BRWD3: variants seen among roughly 807,000 people sequenced by gnomAD.
BRWD3 encodes bromodomain and WD repeat domain containing 3.
In BRWD3, 10 loss-of-function variants were observed where a neutral mutation model predicts 149.7. The observed-to-expected ratio is 0.07, with a 90% CI of 0.04 to 0.11. The LOEUF is 0.11. Among genes scored for constraint, BRWD3 ranks in the 10% least tolerant of loss-of-function variants. The probability of loss-of-function intolerance (pLI) is 1.00; values close to 1 mark genes in which losing one functional copy is unlikely to be tolerated. For synonymous variants in BRWD3, 504 were observed against 456.7 expected (o/e 1.10, Z -1.32); for missense variants, 940 against 1,373.2 (o/e 0.68, Z 4.99).
intron 6 of BRWD3, among the ~76,000 whole-genome samples, chrX:80,776,156 G>A (rs1418285903): frequency 2.7e-5 from 3 of 111,682 alleles, no homozygotes; most frequent in Admixed American, 1.9e-4. Context: ...AATATCCCTC[G>A]ATCTTACCTC....
At chrX:80,756,725 G>A (rs773976229) in intron 6 of BRWD3, among the ~76,000 whole-genome samples, 3 of 110,918 alleles carry the variant, frequency 2.7e-5, no homozygotes, top group Non-Finnish European at 3.8e-5. Context: ...GGGAAGAACT[G>A]GATCTCATTC....
intron 4 of BRWD3, among the ~76,000 whole-genome samples, chrX:80,807,674 A>C (rs1447728285): frequency 1.8e-5 from 2 of 112,164 alleles, no homozygotes; most frequent in African/African-American, 6.5e-5. Context: ...GCTGAACACA[A>C]GGTACATTTA....
At chrX:80,776,665 T>C (rs1162380584) in intron 6 of BRWD3, among the ~76,000 whole-genome samples, 2 of 111,681 alleles carry the variant, frequency 1.8e-5, no homozygotes, top group Non-Finnish European at 3.8e-5. Flanking sequence ...CCTAAGGTCA[T>C]GTGGCAGTTG....
rs146297684 is a variant in BRWD3, at chrX:80,685,474, T to A, written c.4068A>T (p.Ser1356=). The change falls in exon 36 of 41, where the codon TCA becomes TCT. Residue 1356 remains serine (S), a synonymous_variant. Transcript: ENST00000373275. ...ESVVPERQQD[S]SLSEDYQDVI... ...CTACCAGGCCTACCTCAGAAAGAGA[T>A]GAATCTTGTTGTCTTTCTGGAACAA... 1 of 1,205,391 alleles carries A rather than the reference T, an allele frequency of 8.3e-7. No individual in the cohort carries two copies. The highest frequency in any genetic ancestry group is 1.1e-6 in the Non-Finnish European group (1 of 891,480).
rs1033606320 is a variant in BRWD3, at chrX:80,695,300, C to A, written c.3151+608G>T. ...CCAGTCTCAGGTAGTATCTTTACAGCAGTGTGAAAATGAACTAATACATAT... is the reference window on the plus strand; with the variant it reads ...CCAGTCTCAGGTAGTATCTTTACAGAAGTGTGAAAATGAACTAATACATAT... On this transcript the variant is annotated intron_variant, in intron 27 of 40. Transcript: ENST00000373275. Among the ~76,000 whole-genome samples, 11 of 111,680 alleles carry A rather than the reference C, an allele frequency of 9.8e-5. No individual in the cohort carries two copies. The Admixed American group carries it at 1.1e-3, about 11-fold the overall frequency.
intron 20 of BRWD3, among the ~76,000 whole-genome samples, 179 bp from the exon 21 acceptor site, chrX:80,709,756 T>C (rs1360969805): frequency 8.9e-6 from 1 of 111,917 alleles, no homozygotes; most frequent in African/African-American, 3.3e-5. Context: ...CCACTAATAT[T>C]GATCACTCTC....
rs200166730 is a variant in BRWD3, at chrX:80,719,521, A to G, written c.2012T>C (p.Leu671Ser). The G allele has an allele frequency of 4.1e-5, 49 of 1,207,496 alleles. No homozygotes were observed. Among genetic ancestry groups the G allele is most frequent in the Non-Finnish European group, 5.3e-5 (47 of 893,169 alleles). ...RLINEGDVPH[L>S]PVNRAYSVNG... Reference sequence around the variant, plus strand: ...AACAGAGTATGCTCTATTAACTGGTAAATGTGGAACATCTCCTTCATTAAT... The same window carrying G: ...AACAGAGTATGCTCTATTAACTGGTGAATGTGGAACATCTCCTTCATTAAT... The change falls in exon 18 of 41, where the codon TTA (leucine) becomes TCA (serine). Residue 671 changes from leucine to serine, a missense_variant. Physicochemically the swap from Leu to Ser is moderately radical, Grantham distance 145. Around this residue, in one of 6 missense-constraint regions of BRWD3, gnomAD observed 209 missense variants for 396.8 expected, o/e 0.53. Transcript: ENST00000373275.
intron 22 of BRWD3, among the ~76,000 whole-genome samples, chrX:80,706,424 T>A (rs912734256): frequency 2.7e-5 from 3 of 111,952 alleles, no homozygotes; most frequent in African/African-American, 9.7e-5. Context: ...TTTCTTTATA[T>A]CCTTACTCTA....
At chrX:80,768,259 A>AC (rs1390239026) in intron 6 of BRWD3, among the ~76,000 whole-genome samples, 2 of 110,849 alleles carry the variant, frequency 1.8e-5, no homozygotes, top group East Asian at 5.7e-4. Context: ...GAGAAAATCA[A>AC]CCCCAAGACA....
At chrX:80,720,792 C>T (rs2073139890) in intron 17 of BRWD3, among the ~76,000 whole-genome samples, 1 of 111,783 alleles carries the variant, frequency 8.9e-6, no homozygotes, top group Non-Finnish European at 1.9e-5. Context: ...ATGGTAAGTG[C>T]TTTATACAGT....
rs2074368206 is a variant in BRWD3, at chrX:80,808,093, C to T, written c.180+446G>A. On this transcript the variant is annotated intron_variant, in intron 4 of 40. Coordinates refer to ENST00000373275, the MANE Select transcript of BRWD3 (RefSeq NM_153252.5). ...CCGCCCCCCCCAAAAAAGACCAAGCCTGGCCTTAGTTCCCGTATTTCAGGC... is the reference window on the plus strand; with the variant it reads ...CCGCCCCCCCCAAAAAAGACCAAGCTTGGCCTTAGTTCCCGTATTTCAGGC... Among the ~76,000 whole-genome samples the T allele has an allele frequency of 3.4e-5, 3 of 88,926 alleles. No individual in the cohort carries two copies. The South Asian group carries it at 2.2e-3, about 64-fold the overall frequency. 77.2% of individuals were successfully genotyped at this position (88,926 alleles called of 115,157 possible).
At chrX:80,746,348 T>A (rs2073592685) in intron 6 of BRWD3, among the ~76,000 whole-genome samples, 1 of 111,246 alleles carries the variant, frequency 9.0e-6, no homozygotes, top group African/African-American at 3.3e-5. Flanking sequence ...CAATGAACTT[T>A]AAAGGCTTCA....
chrX:80,726,941 A>G (rs1461672674), intron 14 of BRWD3, among the ~76,000 whole-genome samples: 1 of 110,651 alleles, frequency 9.0e-6, no homozygotes, highest in East Asian at 2.8e-4. Flanking sequence ...ACATAAAGTT[A>G]GTTTGTTAAA....
chrX:80,677,507 A>C, intron 40 of BRWD3, 144 bp from the exon 41 acceptor site: 1 of 880,343 alleles, frequency 1.1e-6, no homozygotes, highest in Non-Finnish European at 1.5e-6. Flanking sequence ...ATTTCTTCAA[A>C]ATAGAAGATA....
intron 40 of BRWD3, among the ~76,000 whole-genome samples, chrX:80,678,892 G>T (rs746262360): frequency 5.4e-5 from 6 of 111,564 alleles, no homozygotes; most frequent in Non-Finnish European, 3.8e-5. Context: ...GGCATTTAGG[G>T]AGGTAATTAA....
chrX:80,734,357 A>G (rs2073373985), intron 10 of BRWD3, 139 bp from the exon 11 acceptor site: 1 of 470,047 alleles, frequency 2.1e-6, no homozygotes, highest in African/African-American at 2.4e-5. Context: ...TATTGGAGAC[A>G]TACTAGCGAT....
intron 18 of BRWD3, among the ~76,000 whole-genome samples, chrX:80,718,671 A>T (rs1304417127): frequency 8.9e-6 from 1 of 111,927 alleles, no homozygotes; most frequent in East Asian, 2.8e-4. Flanking sequence ...ACATCAGGAA[A>T]TGAGTAAAAT....
chrX:80,760,442 A>G (rs2073790589), intron 6 of BRWD3, among the ~76,000 whole-genome samples: 1 of 111,855 alleles, frequency 8.9e-6, no homozygotes, highest in Non-Finnish European at 1.9e-5. Flanking sequence ...AAATTGGTCA[A>G]TTTTTTCTAC....
intron 40 of BRWD3, among the ~76,000 whole-genome samples, chrX:80,680,974 T>A (rs886194714): frequency 2.0e-5 from 2 of 98,927 alleles, no homozygotes; most frequent in African/African-American, 3.7e-5. Context: ...GGCTACTTTT[T>A]TTTTTTTTTT....
Sources: allele counts gnomAD v4.1 joint callset (sites outside exome capture counted in the v4.1 genomes callset), GRCh38; gene constraint gnomAD v4.1.1; regional missense constraint gnomAD v4.1.1; transcripts MANE v1.5; gene names NCBI Gene and HGNC (gene_info 2026-07-23, HGNC 2026-07-21).